The following SRRM1 variants were observed in gnomAD, a reference collection of about 807,000 sequenced individuals.
SRRM1 encodes serine/arginine repetitive matrix protein 1.
SRRM1 carries 19 observed loss-of-function variants against 110.2 expected under a neutral mutation model. That is an observed-to-expected ratio of 0.17 (90% CI 0.12 to 0.25). The LOEUF (loss-of-function observed/expected upper bound fraction) is 0.25, where lower values mean the gene tolerates loss of function less well. Ranked by LOEUF, SRRM1 falls within the 10% of genes least tolerant of loss-of-function variation. The pLI is 1.00. For synonymous variants in SRRM1, 443 were observed against 414.9 expected, an observed-to-expected ratio of 1.07 and a Z score of -0.82; for missense variants, 918 against 1,145.8, an observed-to-expected ratio of 0.80 and a Z score of 2.87.
At chr1:24,661,437 C>T (rs781628055) in intron 11 of SRRM1, 41 bp downstream of exon 11, 16 of 1,457,876 alleles carry the variant, frequency 1.1e-5, no homozygotes, top group Middle Eastern at 1.7e-4. Flanking sequence ...CCTGTATTTC[C>T]TATTAAAAAA....
At position 24,643,358 on chromosome 1, in the gene SRRM1, G is replaced by A; in HGVS notation, c.21+11G>A. The A allele has an allele frequency of 6.5e-7, 1 of 1,549,284 alleles. No individual in the cohort carries two copies. Among genetic ancestry groups the A allele is most frequent in the Non-Finnish European group, 8.7e-7 (1 of 1,153,434 alleles). Reference sequence around the variant, plus strand: ...GCGGGATTTTTCCGCGTAAGTAGAAGCGCCGGGCGCCGGGGTGAGGCCAGG... The same window carrying A: ...GCGGGATTTTTCCGCGTAAGTAGAAACGCCGGGCGCCGGGGTGAGGCCAGG... On this transcript the variant is annotated intron_variant, in intron 1 of 16. Transcript: ENST00000323848.
intron 11 of SRRM1, 148 bp downstream of exon 11, chr1:24,661,544 T>A: frequency 1.9e-6 from 1 of 539,078 alleles, no homozygotes; most frequent in Non-Finnish European, 3.2e-6. Context: ...TTTTTGGTTT[T>A]AAGTCCTTTT....
In SRRM1 at chr1:24,670,247, A is replaced by G. The variant is rs778334316; in HGVS notation, c.2332A>G (p.Thr778Ala). Residue 778 changes from threonine (T) to alanine (A), a missense_variant, in exon 15 of 17, where the codon ACA becomes GCA. Thr to Ala is a moderately conservative substitution (Grantham distance 58). This residue lies in a region of SRRM1 where 357 missense variants were observed against 402.9 expected (regional missense o/e 0.89). Coordinates refer to ENST00000323848, the MANE Select transcript of SRRM1 (RefSeq NM_005839.4). ...PSPVQSQSPSTNWSPAVPVKK... is the reference protein window; with the variant it reads ...PSPVQSQSPSANWSPAVPVKK... Reference sequence around the variant, plus strand: ...CCCCGTCCAGTCTCAGTCACCGTCTACAAACTGGTCACCAGCTGTACCGGT... The same window carrying G: ...CCCCGTCCAGTCTCAGTCACCGTCTGCAAACTGGTCACCAGCTGTACCGGT... 1.2e-6 allele frequency: 2 copies of G among 1,614,146 alleles called. No homozygotes were observed. Among genetic ancestry groups the G allele is most frequent in the Admixed American group, 3.3e-5 (2 of 60,022 alleles).
At chr1:24,646,837 G>A (rs1402590123) in intron 3 of SRRM1, 48 bp downstream of exon 3, 1 of 1,488,554 alleles carries the variant, frequency 6.7e-7, no homozygotes, top group East Asian at 2.5e-5. Flanking sequence ...GATATAATTT[G>A]TGAATCTTTG....
chr1:24,656,448 C>T (rs1288345467), intron 9 of SRRM1, among the ~76,000 whole-genome samples: 1 of 152,208 alleles, frequency 6.6e-6, no homozygotes, highest in Non-Finnish European at 1.5e-5. Flanking sequence ...GTAGAGAAGC[C>T]TGTAACTGTT....
chr1:24,671,617 G>A lies in SRRM1; in HGVS notation c.2610+22G>A, dbSNP rs765986273. On this transcript the variant is annotated intron_variant, in intron 16 of 16. Transcript: ENST00000323848. Reference sequence around the variant, plus strand: ...GAAGGTATTTATGAACTCTGTATATGGCTGTCTTGCAGTTTACGTACAGAT... The same window carrying A: ...GAAGGTATTTATGAACTCTGTATATAGCTGTCTTGCAGTTTACGTACAGAT... 19 of 1,555,758 alleles carry A rather than the reference G, an allele frequency of 1.2e-5. No individual in the cohort carries two copies. The Admixed American group carries it at 3.9e-4, about 32-fold the overall frequency.
chr1:24,652,142 C>T lies in SRRM1; in HGVS notation c.726-292C>T, dbSNP rs185197069. Among the ~76,000 whole-genome samples the T allele has an allele frequency of 2.5e-3, 364 of 147,500 alleles. 1 individual carries two copies. Among genetic ancestry groups the T allele is most frequent in the African/African-American group, 8.6e-3 (346 of 40,316 alleles). ...CAGCTACTCAGGAGGATCACTTGAGCCTGGGAGGTTGAAGCTGCAGTGAGC... is the reference window on the plus strand; with the variant it reads ...CAGCTACTCAGGAGGATCACTTGAGTCTGGGAGGTTGAAGCTGCAGTGAGC... On this transcript the variant is annotated intron_variant, in intron 6 of 16. Transcript: ENST00000323848.
chr1:24,669,208 C>T lies in SRRM1; in HGVS notation c.1825C>T (p.Pro609Ser), dbSNP rs1557744584. Reference protein sequence around the residue: ...PIQRRYSPSPPPKRRTASPPP... With the variant: ...PIQRRYSPSPSPKRRTASPPP... ...ACAGAGGAGATACTCTCCTTCTCCA[C>T]CTCCAAAGAGAAGAACGGCTTCACC... Residue 609 changes from proline to serine, a missense_variant, in exon 14 of 17, where the codon CCT (proline) becomes TCT (serine). By Grantham distance (74) the Pro-to-Ser change is moderately conservative (BLOSUM62 -1). This residue lies in a region of SRRM1 where 357 missense variants were observed against 402.9 expected (regional missense o/e 0.89). Transcript: ENST00000323848. The T allele has an allele frequency of 1.8e-5, 29 of 1,614,114 alleles. No individual in the cohort carries two copies. Among genetic ancestry groups the T allele is most frequent in the Non-Finnish European group, 2.5e-5 (29 of 1,180,014 alleles).
chr1:24,645,660 G>A (rs758050086), intron 1 of SRRM1, among the ~76,000 whole-genome samples: 2 of 152,158 alleles, frequency 1.3e-5, no homozygotes, highest in African/African-American at 2.4e-5. Flanking sequence ...AAACAGAAAA[G>A]CCCTACGTAT....
Position 24,660,704 on chromosome 1 carries a change from CTT to C in SRRM1, c.1316-14_1316-13del. The C allele has an allele frequency of 6.7e-7, 1 of 1,492,268 alleles. No individual in the cohort carries two copies. The highest frequency in any genetic ancestry group is 2.3e-5 in the East Asian group (1 of 42,752). The allele number at this position is 1,492,268 out of a possible 1,614,324, so 92.4% of individuals were successfully genotyped here. A position where few individuals can be genotyped will look rare whatever the true frequency, so the allele number is the denominator to read the frequency against. On this transcript the variant is annotated splice_polypyrimidine_tract_variant and intron_variant, in intron 9 of 16. Coordinates refer to ENST00000323848, the MANE Select transcript of SRRM1 (RefSeq NM_005839.4). ...TTTTGTACGTAAGCTTTTTTCCACT[CTT>C]ATTCTTTTTTAGTGACAAAACATAA... is the stretch of plus-strand genomic sequence containing the variant.
chr1:24,666,425 C>T (rs16829906), intron 12 of SRRM1: 3,674 of 163,934 alleles, frequency 0.022, 84 homozygotes, highest in African/African-American at 0.051. Flanking sequence ...TAATTGAAAC[C>T]GTGTCTTCTG....
At chr1:24,659,079 A>G (rs1019255677) in intron 9 of SRRM1, among the ~76,000 whole-genome samples, 1 of 152,122 alleles carries the variant, frequency 6.6e-6, no homozygotes, top group African/African-American at 2.4e-5. Context: ...CTGTAATCCC[A>G]GCTACTCAGG....
intron 1 of SRRM1, among the ~76,000 whole-genome samples, chr1:24,644,254 A>G (rs1655901826): frequency 2.0e-5 from 3 of 152,140 alleles, no homozygotes; most frequent in African/African-American, 7.2e-5. Flanking sequence ...TGTGTGTCCC[A>G]TAGTCCCCTC....
intron 12 of SRRM1, among the ~76,000 whole-genome samples, chr1:24,663,928 T>A (rs1668529991): frequency 6.8e-6 from 1 of 146,710 alleles, no homozygotes; most frequent in Non-Finnish European, 1.5e-5. Flanking sequence ...TAAAAGCGAA[T>A]GGAAGGCTTT....
chr1:24,666,762 C>CAA (rs1670202156), intron 12 of SRRM1, 53 bp from the exon 13 acceptor site: 7 of 1,394,456 alleles, frequency 5.0e-6, no homozygotes, highest in Non-Finnish European at 7.0e-6. Context: ...GAGACGCCAT[C>CAA]ACACACACAC....
In SRRM1 at chr1:24,648,699, C is replaced by T. The variant is rs1056928069; in HGVS notation, c.235-160C>T. 1.7e-5 allele frequency: 10 copies of T among 585,494 alleles called. No homozygotes were observed. In the East Asian group the frequency reaches 1.7e-4, roughly 10 times the overall value. The allele number at this position is 585,494 out of a possible 1,614,324, so 36.3% of individuals were successfully genotyped here. ...TAGAGATTATATTGCTGAGAAGCTA[C>T]TAGGGAAGACTATTTGTAAAATAGT... On this transcript the variant is annotated intron_variant, in intron 3 of 16. Coordinates refer to ENST00000323848, the MANE Select transcript of SRRM1 (RefSeq NM_005839.4).
intron 1 of SRRM1, among the ~76,000 whole-genome samples, chr1:24,645,728 G>GGA (rs749309843): frequency 2.8e-4 from 42 of 152,336 alleles, no homozygotes; most frequent in African/African-American, 6.7e-4. Flanking sequence ...TTGGATATGA[G>GGA]GAGGTGTTGG....
At position 24,646,058 on chromosome 1, in the gene SRRM1, A is replaced by T. The variant is rs772445231; in HGVS notation, c.96A>T (p.Glu32Asp). ...TACTGAAGCAGCTGAAATTTGCAGAATGCCTAGAAAAAAAGGTATTCTTCT... is the reference window on the plus strand; with the variant it reads ...TACTGAAGCAGCTGAAATTTGCAGATTGCCTAGAAAAAAAGGTATTCTTCT... ...KKLLKQLKFA[E>D]CLEKKVDMSK... The change falls in exon 2 of 17, where the codon GAA becomes GAT. Residue 32 changes from glutamate (E) to aspartate (D), a missense_variant. Physicochemically the swap from Glu to Asp is conservative, Grantham distance 45. Transcript: ENST00000323848. 5.6e-6 allele frequency: 9 copies of T among 1,612,692 alleles called. No homozygotes were observed. The highest frequency in any genetic ancestry group is 8.5e-7 in the Non-Finnish European group (1 of 1,179,512).
intron 1 of SRRM1, among the ~76,000 whole-genome samples, chr1:24,644,429 C>G (rs762108391): frequency 6.6e-6 from 1 of 152,190 alleles, no homozygotes; most frequent in African/African-American, 2.4e-5. Context: ...GTTAGCTCTT[C>G]TCTTTAGAGC....
Sources: gnomAD v4.1 joint callset for allele counts (sites outside exome capture counted in the v4.1 genomes callset) on GRCh38, gnomAD v4.1.1 for gene constraint, gnomAD v4.1.1 regional missense constraint, MANE v1.5 for transcripts, NCBI Gene and HGNC (gene_info 2026-07-23, HGNC 2026-07-21) for gene names.